Variants in SETMAR observed in about 807,000 individuals in gnomAD.
The protein encoded by SETMAR is SET and mariner transposase domain methyltransferase.
SETMAR carries 44 observed loss-of-function variants against 58.4 expected under a neutral mutation model. The observed-to-expected ratio is 0.75, with a 90% confidence interval of 0.59 to 0.97. The LOEUF is 0.97. SETMAR is among the 50% of genes least tolerant of loss of function. The pLI is 0.00. For missense variants in SETMAR, 903 were observed against 840.2 expected, an observed-to-expected ratio of 1.07 and a Z score of -0.92; for synonymous variants, 332 against 307.4, an observed-to-expected ratio of 1.08 and a Z score of -0.84.
Position 4,313,584 on chromosome 3 carries a change from G to A in SETMAR, c.843G>A (p.Gly281=). 1 of 1,614,062 alleles carries A rather than the reference G, an allele frequency of 6.2e-7. No homozygotes were observed. Among genetic ancestry groups the A allele is most frequent in the Non-Finnish European group, 8.5e-7 (1 of 1,179,968 alleles). ...VSEDKERLDH[G]KLRKPCYCGA... The stretch of plus-strand genomic sequence containing the variant: ...AAGACAAAGAAAGGCTAGATCATGG[G>A]AAACTAAGGAAACCTTGTTACTGTG... Residue 281 remains glycine, a synonymous_variant, in exon 2 of 3, where the codon GGG becomes GGA. Coordinates refer to ENST00000358065, the MANE Select transcript of SETMAR (RefSeq NM_006515.4).
intron 1 of SETMAR, among the ~76,000 whole-genome samples, chr3:4,305,751 A>C (rs1698166035): frequency 6.6e-6 from 1 of 152,254 alleles, no homozygotes; most frequent in African/African-American, 2.4e-5. Context: ...TTTGTAAGGC[A>C]TGACTCCCCA....
rs1698495475 is a variant in SETMAR at position 4,313,329 on chromosome 3, C to G, written c.588C>G (p.Ile196Met). ...CCGACTCCAATTACATTATAGCCAT[C>G]AGGGAACATGTTTATAATGGGCAGG... Reference protein sequence around the residue: ...TKSDSNYIIAIREHVYNGQVM... With the variant: ...TKSDSNYIIAMREHVYNGQVM... The change falls in exon 2 of 3, where the codon ATC (isoleucine) becomes ATG (methionine). Residue 196 changes from isoleucine to methionine, a missense_variant. Physicochemically the swap from Ile to Met is conservative, Grantham distance 10. Transcript: ENST00000358065. 6.2e-7 allele frequency: 1 copy of G among 1,613,870 alleles called. No homozygotes were observed. Among genetic ancestry groups the G allele is most frequent in the South Asian group, 1.1e-5 (1 of 91,072 alleles).
At position 4,316,960 on chromosome 3, in the gene SETMAR, C is replaced by T; in HGVS notation, c.1769C>T (p.Ala590Val). Residue 590 changes from alanine (A) to valine (V), a missense_variant, in exon 3 of 3, where the codon GCC becomes GTC. Ala to Val is a moderately conservative substitution (Grantham distance 64). Coordinates refer to ENST00000358065, the MANE Select transcript of SETMAR (RefSeq NM_006515.4). ...RKGPILLHDN[A>V]RPHVAQPTLQ... ...GGCCCAATTCTTCTCCACGACAATG[C>T]CCGACCGCATGTTGCACAACCCACA... The T allele has an allele frequency of 6.5e-7, 1 of 1,549,410 alleles. No individual in the cohort carries two copies. The highest frequency in any genetic ancestry group is 1.2e-5 in the South Asian group (1 of 83,950).
rs548443858 is a variant in SETMAR at position 4,310,512 on chromosome 3, T to A, written c.157-2386T>A. ...GATTATATCCATCACGGGGAAAAAA[T>A]TTATTTAAACAGGAAATTTTCCCAG... On this transcript the variant is annotated intron_variant, in intron 1 of 2. Transcript: ENST00000358065. 1.1e-4 allele frequency among the ~76,000 whole-genome samples: 17 copies of A among 152,198 alleles called. 1 individual carries two copies. Among genetic ancestry groups the A allele is most frequent in the Non-Finnish European group, 2.4e-4 (16 of 67,986 alleles).
At chr3:4,303,898 A>G in intron 1 of SETMAR, 6 of 1,240,470 alleles carry the variant, frequency 4.8e-6, no homozygotes, top group Non-Finnish European at 6.3e-6. Context: ...CTATTAATGG[A>G]TCGCAGCCGG....
chr3:4,305,485 C>T (rs535709469), intron 1 of SETMAR, among the ~76,000 whole-genome samples: 4 of 152,032 alleles, frequency 2.6e-5, no homozygotes, highest in Admixed American at 1.3e-4. Context: ...AAAGGTGCCT[C>T]GGTCTTAGTT....
chr3:4,307,355 C>T (rs1241231445), intron 1 of SETMAR, among the ~76,000 whole-genome samples: 2 of 152,184 alleles, frequency 1.3e-5, no homozygotes, highest in East Asian at 3.9e-4. Context: ...CCCCCATCAC[C>T]ATGCCACACT....
Position 4,313,104 on chromosome 3 carries a change from G to A in SETMAR, c.363G>A (p.Leu121=), listed in dbSNP as rs779051851. 1.9e-6 allele frequency: 3 copies of A among 1,613,908 alleles called. No individual in the cohort carries two copies. The highest frequency in any genetic ancestry group is 1.7e-5 in the Admixed American group (1 of 59,942). The part of the protein sequence containing the change: ...YAEPVFECNV[L]CRCSDHCRNR... Reference sequence around the variant, plus strand: ...AGCCTGTTTTTGAATGCAATGTCCTGTGCCGATGCAGTGACCACTGCAGAA... The same window carrying A: ...AGCCTGTTTTTGAATGCAATGTCCTATGCCGATGCAGTGACCACTGCAGAA... Residue 121 remains leucine (L), a synonymous_variant, in exon 2 of 3, where the codon CTG becomes CTA. Transcript: ENST00000358065.
intron 2 of SETMAR, 115 bp downstream of exon 2, chr3:4,313,876 C>G: frequency 2.0e-6 from 3 of 1,524,826 alleles, no homozygotes; most frequent in Non-Finnish European, 2.6e-6. Flanking sequence ...GCAGAGACTG[C>G]AAGTTGTCCA....
In SETMAR at chr3:4,303,492, C is replaced by T. The variant is rs1213852738; in HGVS notation, c.122C>T (p.Ala41Val). 1 of 1,486,278 alleles carries T rather than the reference C, an allele frequency of 6.7e-7. No individual in the cohort carries two copies. The allele number at this position is 1,486,278 out of a possible 1,614,324, so 92.1% of individuals were successfully genotyped here. The change falls in exon 1 of 3, where the codon GCG (alanine) becomes GTG (valine). Residue 41 changes from alanine to valine, a missense_variant. Ala to Val is a moderately conservative substitution (Grantham distance 64, BLOSUM62 0). Transcript: ENST00000358065. ...ACGQENLPVG[A>V]WPPGAAPAPF... ...GGCCAGGAAAACTTGCCGGTGGGCGCGTGGCCCCCGGGGGCCGCGCCGGCG... is the reference window on the plus strand; with the variant it reads ...GGCCAGGAAAACTTGCCGGTGGGCGTGTGGCCCCCGGGGGCCGCGCCGGCG...
intron 1 of SETMAR, 21 bp from the exon 2 acceptor site, chr3:4,312,877 C>A: frequency 6.3e-7 from 1 of 1,589,622 alleles, no homozygotes; most frequent in East Asian, 2.2e-5. Context: ...TGCTGACTTA[C>A]AGTGTGTATA....
chr3:4,308,050 G>T (rs77596407), intron 1 of SETMAR, among the ~76,000 whole-genome samples: 118 of 151,954 alleles, frequency 7.8e-4, no homozygotes, highest in Admixed American at 6.4e-3. Context: ...CCCATTCTCC[G>T]TGTCCTTTAT....
At position 4,311,849 on chromosome 3, in the gene SETMAR, A is replaced by G. The variant is rs138180318; in HGVS notation, c.157-1049A>G. ...ATGGTTTGAGTTCTATGTAAGCAAG[A>G]ATTACTATATACATAAAAAAATCTG... On this transcript the variant is annotated intron_variant, in intron 1 of 2. Coordinates refer to ENST00000358065, the MANE Select transcript of SETMAR (RefSeq NM_006515.4). Among the ~76,000 whole-genome samples, 21 of 152,340 alleles carry G rather than the reference A, an allele frequency of 1.4e-4. No individual in the cohort carries two copies. In the East Asian group the frequency reaches 3.9e-3, roughly 28 times the overall value.
At chr3:4,312,818 GT>G (rs1250102604) in intron 1 of SETMAR, 79 bp from the exon 2 acceptor site, 14 of 1,493,418 alleles carry the variant, frequency 9.4e-6, no homozygotes, top group African/African-American at 1.4e-5. Context: ...ATTAGAATGG[GT>G]CCCAGTCAGA....
At position 4,313,236 on chromosome 3, in the gene SETMAR, CTG is replaced by C; in HGVS notation, c.498_499del (p.Cys166Ter). 1.2e-6 allele frequency: 2 copies of C among 1,613,922 alleles called. No individual in the cohort carries two copies. The highest frequency in any genetic ancestry group is 2.2e-5 in the East Asian group (1 of 44,886). On this transcript the variant is annotated frameshift_variant, in exon 2 of 3. Coordinates refer to ENST00000358065, the MANE Select transcript of SETMAR (RefSeq NM_006515.4). LOFTEE classifies it high-confidence loss of function. The part of the protein sequence containing the change: ...LEFIPKGRFV[C>X]EYAGEVLGFS... ...AATTTATACCGAAAGGAAGGTTTGT[CTG>C]TGAATATGCTGGTGAGGTTTTAGGA...
Position 4,313,047 on chromosome 3 carries a change from T to TA in SETMAR, c.307dup (p.Arg103LysfsTer15). 1 of 1,613,878 alleles carries TA rather than the reference T, an allele frequency of 6.2e-7. No homozygotes were observed. The highest frequency in any genetic ancestry group is 8.5e-7 in the Non-Finnish European group (1 of 1,179,900). On this transcript the variant is annotated frameshift_variant, in exon 2 of 3. Coordinates refer to ENST00000358065, the MANE Select transcript of SETMAR (RefSeq NM_006515.4). LOFTEE classifies it high-confidence loss of function. Reference sequence around the variant, plus strand: ...AGAACTATGATGATAACTCATGCCTTAGAGATATAGGATCTGGAGGAAAGT... The same window carrying TA: ...AGAACTATGATGATAACTCATGCCTTAAGAGATATAGGATCTGGAGGAAAGT...
At position 4,316,518 on chromosome 3, in the gene SETMAR, G is replaced by A; in HGVS notation, c.1327G>A (p.Val443Ile). The A allele has an allele frequency of 1.3e-6, 2 of 1,587,954 alleles. No homozygotes were observed. Among genetic ancestry groups the A allele is most frequent in the Middle Eastern group, 1.7e-4 (1 of 6,034 alleles). Reference sequence around the variant, plus strand: ...AGAACTCAATGTCAACCATTCTACGGTCGTTCGACATTTGAAGCAAATTGG... The same window carrying A: ...AGAACTCAATGTCAACCATTCTACGATCGTTCGACATTTGAAGCAAATTGG... ...AEELNVNHSTVVRHLKQIGKV... is the reference protein window; with the variant it reads ...AEELNVNHSTIVRHLKQIGKV... The change falls in exon 3 of 3, where the codon GTC (valine) becomes ATC (isoleucine). Residue 443 changes from valine to isoleucine, a missense_variant. Val to Ile is a conservative substitution (Grantham distance 29). Coordinates refer to ENST00000358065, the MANE Select transcript of SETMAR (RefSeq NM_006515.4).
intron 1 of SETMAR, chr3:4,303,992 C>T (rs1476887463): frequency 5.5e-6 from 3 of 546,256 alleles, no homozygotes; most frequent in African/African-American, 4.1e-5. Flanking sequence ...TGTAAATTAG[C>T]TGTGGCTCAG....
At chr3:4,316,033 C>T (rs184648190) in intron 2 of SETMAR, among the ~76,000 whole-genome samples, 179 bp from the exon 3 acceptor site, 1,547 of 119,232 alleles carry the variant, frequency 0.013, 35 homozygotes, top group African/African-American at 0.051. Context: ...GGTGACAGAG[C>T]GAGACTCTGT....
Sources: allele counts gnomAD v4.1 joint callset (sites outside exome capture counted in the v4.1 genomes callset), GRCh38; gene constraint gnomAD v4.1.1; transcripts MANE v1.5; gene names NCBI Gene and HGNC (gene_info 2026-07-23, HGNC 2026-07-21).